Variants in MYO5A observed in about 807,000 individuals in gnomAD.
MYO5A encodes unconventional myosin-Va.
In MYO5A, 98 loss-of-function variants were observed where a neutral mutation model predicts 249.7. The observed-to-expected ratio is 0.39, with a 90% CI of 0.33 to 0.46. The LOEUF (loss-of-function observed/expected upper bound fraction) is 0.46, where lower values mean the gene tolerates loss of function less well. Among genes scored for constraint, MYO5A ranks in the 20% least tolerant of loss-of-function variants. MYO5A has a pLI of 0.98. For missense variants in MYO5A, 1,696 were observed against 2,308.8 expected, an observed-to-expected ratio of 0.73 and a Z score of 5.44; for synonymous variants, 778 against 810.6, an observed-to-expected ratio of 0.96 and a Z score of 0.68.
At chr15:52,510,893 T>C (rs1372454168) in intron 1 of MYO5A, among the ~76,000 whole-genome samples, 2 of 152,232 alleles carry the variant, frequency 1.3e-5, no homozygotes, top group Non-Finnish European at 2.9e-5. Flanking sequence ...TTCATTTAAT[T>C]GTACCCATCA....
intron 1 of MYO5A, among the ~76,000 whole-genome samples, chr15:52,499,885 T>C (rs1395471605): frequency 6.6e-6 from 1 of 152,020 alleles, no homozygotes; most frequent in Non-Finnish European, 1.5e-5. Flanking sequence ...TAATTATCAG[T>C]TTAATTTTTT....
rs763291667 is a variant in MYO5A at position 52,364,541 on chromosome 15, GTGTT to G, written c.3309+9_3309+12del. 9.4e-5 allele frequency: 151 copies of G among 1,600,390 alleles called. No individual in the cohort carries two copies. In the African/African-American group the frequency reaches 1.9e-3, roughly 21 times the overall value. Reference sequence around the variant, plus strand: ...ATTTTTCATTAAAAAAAAAACAAAAGTGTTTGACTCACCACCATAAGGGTCATCT... The same window carrying G: ...ATTTTTCATTAAAAAAAAAACAAAAGTGACTCACCACCATAAGGGTCATCT... On this transcript the variant is annotated intron_variant, in intron 24 of 41. Transcript: ENST00000399233.
At chr15:52,524,993 T>G (rs1429818612) in intron 1 of MYO5A, among the ~76,000 whole-genome samples, 5 of 152,150 alleles carry the variant, frequency 3.3e-5, no homozygotes, top group Non-Finnish European at 7.3e-5. Context: ...TAGCATGCCA[T>G]TCATTATAAT....
At chr15:52,408,919 G>A (rs999021933) in intron 6 of MYO5A, among the ~76,000 whole-genome samples, 2 of 152,170 alleles carry the variant, frequency 1.3e-5, no homozygotes, top group Non-Finnish European at 1.5e-5. Flanking sequence ...CAAATTACCA[G>A]TATACCAATG....
chr15:52,426,532 G>C (rs2075398179), intron 3 of MYO5A, among the ~76,000 whole-genome samples: 1 of 152,090 alleles, frequency 6.6e-6, no homozygotes, highest in Non-Finnish European at 1.5e-5. Flanking sequence ...TTACTATCTT[G>C]GCTCACTACA....
chr15:52,480,538 A>T (rs1345162455), intron 1 of MYO5A, among the ~76,000 whole-genome samples: 2 of 152,194 alleles, frequency 1.3e-5, no homozygotes, highest in Non-Finnish European at 2.9e-5. Flanking sequence ...CCGATCCTTG[A>T]GGCCCTCTCT....
intron 10 of MYO5A, 130 bp downstream of exon 10, chr15:52,397,071 T>C (rs1372237087): frequency 8.8e-7 from 1 of 1,138,034 alleles, no homozygotes; most frequent in Non-Finnish European, 1.3e-6. Flanking sequence ...CAAGGTATTC[T>C]TGAATTGTCA....
chr15:52,319,642 A>G (rs577440309), intron 38 of MYO5A, among the ~76,000 whole-genome samples: 10 of 152,254 alleles, frequency 6.6e-5, no homozygotes, highest in African/African-American at 2.4e-4. Context: ...GAGGCAGGAC[A>G]ATCACTTGAA....
chr15:52,370,223 T>G lies in MYO5A; in HGVS notation c.3012A>C (p.Ser1004=), dbSNP rs377633670. ...CATGTTCCTCAATGCATTTTTTCTC[T>G]GAACGAGTTTGCTCCAGGTCTTTCC... The part of the protein sequence containing the change: ...KLRKDLEQTR[S]EKKCIEEHAD... Residue 1004 remains serine, a synonymous_variant, in exon 22 of 42, where the codon TCA becomes TCC. Coordinates refer to ENST00000399233, the MANE Select transcript of MYO5A (RefSeq NM_001382347.1). The G allele has an allele frequency of 6.2e-7, 1 of 1,614,214 alleles. No homozygotes were observed. The highest frequency in any genetic ancestry group is 1.1e-5 in the South Asian group (1 of 91,088).
chr15:52,472,664 T>C (rs28876722), intron 1 of MYO5A, among the ~76,000 whole-genome samples: 9,447 of 152,260 alleles, frequency 0.062, 884 homozygotes, highest in African/African-American at 0.21. Flanking sequence ...GTCCTTGCGA[T>C]AGTTTGCTCA....
chr15:52,465,222 T>C (rs925949206), intron 1 of MYO5A, among the ~76,000 whole-genome samples: 3 of 152,196 alleles, frequency 2.0e-5, no homozygotes, highest in Non-Finnish European at 4.4e-5. Context: ...AAAAGCCCTG[T>C]TGGCCTGCAT....
At chr15:52,497,520 G>C (rs1485434548) in intron 1 of MYO5A, among the ~76,000 whole-genome samples, 1 of 150,956 alleles carries the variant, frequency 6.6e-6, no homozygotes, top group Non-Finnish European at 1.5e-5. Context: ...GCTTTGGAAG[G>C]CTGAGGCGGG....
At chr15:52,514,185 G>C (rs1275791651) in intron 1 of MYO5A, among the ~76,000 whole-genome samples, 1 of 152,102 alleles carries the variant, frequency 6.6e-6, no homozygotes, top group Non-Finnish European at 1.5e-5. Flanking sequence ...TCACTAACTT[G>C]GTACCTACTA....
chr15:52,367,460 TAAACATTA>T (rs1468023503), intron 22 of MYO5A, among the ~76,000 whole-genome samples: 1 of 151,994 alleles, frequency 6.6e-6, no homozygotes, highest in East Asian at 1.9e-4. Flanking sequence ...TACTTTACAT[TAAACATTA>T]AAACATTAAA....
At chr15:52,480,556 C>G (rs2076694392) in intron 1 of MYO5A, among the ~76,000 whole-genome samples, 1 of 152,218 alleles carries the variant, frequency 6.6e-6, no homozygotes, top group African/African-American at 2.4e-5. Flanking sequence ...TCTGGCTCCC[C>G]TCTCCCTTCA....
intron 4 of MYO5A, among the ~76,000 whole-genome samples, chr15:52,423,608 A>G (rs2075332863): frequency 6.6e-6 from 1 of 151,974 alleles, no homozygotes; most frequent in African/African-American, 2.4e-5. Flanking sequence ...GTTATTTCTG[A>G]CTGTAAGCCT....
intron 23 of MYO5A, among the ~76,000 whole-genome samples, chr15:52,366,056 T>C (rs1305921398): frequency 6.6e-6 from 1 of 152,122 alleles, no homozygotes. Context: ...CCCCTTCAGC[T>C]AGGAGAGGTG....
In MYO5A at chr15:52,343,733, G is replaced by A. The variant is rs754027417; in HGVS notation, c.3960-536C>T. ...TAACATAAATCAGAACATGTCCAAGGTTCTCAGCTTTTATGACATGATTTT... is the reference window on the plus strand; with the variant it reads ...TAACATAAATCAGAACATGTCCAAGATTCTCAGCTTTTATGACATGATTTT... On this transcript the variant is annotated intron_variant, in intron 30 of 41. Coordinates refer to ENST00000399233, the MANE Select transcript of MYO5A (RefSeq NM_001382347.1). Among the ~76,000 whole-genome samples, 4 of 152,056 alleles carry A rather than the reference G, an allele frequency of 2.6e-5. No homozygotes were observed. The East Asian group carries it at 7.7e-4, about 29-fold the overall frequency.
chr15:52,315,484 C>G (rs1331821305), intron 40 of MYO5A, among the ~76,000 whole-genome samples: 1 of 152,106 alleles, frequency 6.6e-6, no homozygotes, highest in African/African-American at 2.4e-5. Context: ...AAGTCATTCT[C>G]CTGCCTCAGC....
Sources: gnomAD v4.1 joint callset for allele counts (sites outside exome capture counted in the v4.1 genomes callset) on GRCh38, gnomAD v4.1.1 for gene constraint, MANE v1.5 for transcripts, NCBI Gene and HGNC (gene_info 2026-07-23, HGNC 2026-07-21) for gene names.